The following ZNF546 variants were observed in gnomAD, a reference collection of about 807,000 sequenced individuals.
The protein encoded by ZNF546 is zinc finger protein 546.
In ZNF546, 60 loss-of-function variants were observed where a neutral mutation model predicts 76.2. That is an observed-to-expected ratio of 0.79 (90% CI 0.64 to 0.98). The LOEUF is 0.98. Among genes scored for constraint, ZNF546 ranks in the 50% least tolerant of loss-of-function variants. ZNF546 has a pLI of 0.00. For missense variants in ZNF546, 936 were observed against 1,035.6 expected (o/e 0.90, Z 1.32); for synonymous variants, 277 against 328.1 (o/e 0.84, Z 1.68).
At chr19:40,008,397 GA>G in intron 5 of ZNF546, 72 bp from the exon 6 acceptor site, 1 of 1,163,682 alleles carries the variant, frequency 8.6e-7, no homozygotes, top group Non-Finnish European at 1.2e-6. Flanking sequence ...AACCAAGTCT[GA>G]ATTGTCATTT....
intron 3 of ZNF546, chr19:39,999,834 C>G (rs535503456): frequency 6.6e-6 from 1 of 152,396 alleles, no homozygotes; most frequent in African/African-American, 2.4e-5. Context: ...ACCTCGGCCT[C>G]CCAAAGTGCT....
intron 1 of ZNF546, chr19:39,997,383 G>A: frequency 6.5e-6 from 1 of 153,294 alleles, no homozygotes; most frequent in East Asian, 1.9e-4. Flanking sequence ...GCGGGTGTGG[G>A]TGCGGGTGTG....
In ZNF546 at chr19:40,016,946, T is replaced by C. The variant is rs1311706623; in HGVS notation, c.*1165T>C. The C allele has an allele frequency of 6.6e-6, 1 of 152,214 alleles. No individual in the cohort carries two copies. The highest frequency in any genetic ancestry group is 1.5e-5 in the Non-Finnish European group (1 of 68,012). 9.4% of individuals were successfully genotyped at this position (152,214 alleles called of 1,614,324 possible). A position where few individuals can be genotyped will look rare whatever the true frequency, so the allele number is the denominator to read the frequency against. On this transcript the variant is annotated 3_prime_UTR_variant, in exon 7 of 7. Transcript: ENST00000347077. ...TATTTTTGTGAGGATGAAATGCTAA[T>C]AAAAGATAAAACCTTTAAAAGAGTA...
chr19:39,998,517 TCA>T lies in ZNF546; in HGVS notation c.84+108_84+109del, dbSNP rs1568382594. 3.1e-6 allele frequency: 3 copies of T among 966,506 alleles called. No individual in the cohort carries two copies. The African/African-American group carries it at 4.9e-5, about 16-fold the overall frequency. 59.9% of individuals were successfully genotyped at this position (966,506 alleles called of 1,614,324 possible). On this transcript the variant is annotated intron_variant, in intron 3 of 6. Transcript: ENST00000347077. ...TCTTCTCCAATCTTCTCCAAAGACCTCAGTTTTAAAATATGACAGGATTAGAG... is the reference window on the plus strand; with the variant it reads ...TCTTCTCCAATCTTCTCCAAAGACCTGTTTTAAAATATGACAGGATTAGAG...
At chr19:40,008,682 GGAAA>G in intron 6 of ZNF546, 117 bp downstream of exon 6, 1 of 647,788 alleles carries the variant, frequency 1.5e-6, no homozygotes, top group Non-Finnish European at 2.6e-6. Flanking sequence ...TGAGGCCTGT[GGAAA>G]AAGGACTGAT....
At position 40,012,599 on chromosome 19, in the gene ZNF546, G is replaced by A. The variant is rs1971686513; in HGVS notation, c.395-1066G>A. 2.0e-5 allele frequency among the ~76,000 whole-genome samples: 3 copies of A among 152,080 alleles called. No individual in the cohort carries two copies. The South Asian group carries it at 6.2e-4, about 31-fold the overall frequency. ...GGGGAACGAGAAACTCTATTCTAAA[G>A]GGAAAAGAATTAGGTACAGATTTTC... is the stretch of plus-strand genomic sequence containing the variant. On this transcript the variant is annotated intron_variant, in intron 6 of 6. Coordinates refer to ENST00000347077, the MANE Select transcript of ZNF546 (RefSeq NM_178544.5).
At chr19:40,013,024 G>A (rs1273704324) in intron 6 of ZNF546, among the ~76,000 whole-genome samples, 1 of 151,778 alleles carries the variant, frequency 6.6e-6, no homozygotes, top group African/African-American at 2.4e-5. Context: ...CATGTTAGCC[G>A]GGATGGTCTC....
Position 40,016,131 on chromosome 19 carries a change from A to G in ZNF546, c.*350A>G. On this transcript the variant is annotated 3_prime_UTR_variant, in exon 7 of 7. Transcript: ENST00000347077. ...ACAGGAGTTCGAAACCAGCCTGGGC[A>G]ACATAGTGAGACCCTGCCTCATGGC... 2 of 263,944 alleles carry G rather than the reference A, an allele frequency of 7.6e-6. No individual in the cohort carries two copies. Among genetic ancestry groups the G allele is most frequent in the African/African-American group, 2.3e-5 (1 of 44,162 alleles). The allele number at this position is 263,944 out of a possible 1,614,324, so 16.4% of individuals were successfully genotyped here. A position where few individuals can be genotyped will look rare whatever the true frequency, so the allele number is the denominator to read the frequency against.
At chr19:40,000,040 C>T (rs2144635420) in intron 3 of ZNF546, among the ~76,000 whole-genome samples, 1 of 152,286 alleles carries the variant, frequency 6.6e-6, no homozygotes, top group East Asian at 1.9e-4. Flanking sequence ...TTCTCCCTAA[C>T]CATAGCTTTC....
In ZNF546 at chr19:40,020,533, T is replaced by A. The variant is rs1162319169; in HGVS notation, c.*4752T>A. On this transcript the variant is annotated 3_prime_UTR_variant, in exon 7 of 7. Coordinates refer to ENST00000347077, the MANE Select transcript of ZNF546 (RefSeq NM_178544.5). Reference sequence around the variant, plus strand: ...CATCTCTGGGAACAGTAGTACTTAATGGCAACTTGAGAATTGGTTTGTGGG... The same window carrying A: ...CATCTCTGGGAACAGTAGTACTTAAAGGCAACTTGAGAATTGGTTTGTGGG... The A allele has an allele frequency of 1.3e-5, 2 of 152,220 alleles. No homozygotes were observed. The highest frequency in any genetic ancestry group is 1.3e-4 in the Admixed American group (2 of 15,284). 9.4% of individuals were successfully genotyped at this position (152,220 alleles called of 1,614,324 possible). A position where few individuals can be genotyped will look rare whatever the true frequency, so the allele number is the denominator to read the frequency against.
At chr19:39,999,329 A>T (rs570136785) in intron 3 of ZNF546, among the ~76,000 whole-genome samples, 2 of 152,330 alleles carry the variant, frequency 1.3e-5, no homozygotes, top group African/African-American at 2.4e-5. Context: ...ACTGGCAGGC[A>T]TTTATTTATA....
At chr19:40,004,854 A>G (rs1971583416) in intron 3 of ZNF546, among the ~76,000 whole-genome samples, 1 of 152,086 alleles carries the variant, frequency 6.6e-6, no homozygotes, top group Non-Finnish European at 1.5e-5. Context: ...ATAGTATTTA[A>G]TATCTACTTA....
rs1186230239 is a variant in ZNF546 at position 40,017,966 on chromosome 19, CTTTTTTTTTTTT to C, written c.*2203_*2214del. 2.4e-4 allele frequency: 15 copies of C among 63,084 alleles called. No individual in the cohort carries two copies. The East Asian group carries it at 2.5e-3, about 10-fold the overall frequency. The allele number at this position is 63,084 out of a possible 1,614,324, so 3.9% of individuals were successfully genotyped here. On this transcript the variant is annotated 3_prime_UTR_variant, in exon 7 of 7. Coordinates refer to ENST00000347077, the MANE Select transcript of ZNF546 (RefSeq NM_178544.5). ...CCCCACAACTTTATTGCAACATTGA[CTTTTTTTTTTTT>C]TTTTTTTTTTTTTTTTTGAGATGGA... is the stretch of plus-strand genomic sequence containing the variant.
intron 6 of ZNF546, among the ~76,000 whole-genome samples, chr19:40,010,246 T>C (rs1054642225): frequency 7.2e-5 from 11 of 151,872 alleles, no homozygotes; most frequent in Non-Finnish European, 1.3e-4. Flanking sequence ...TTACTAAAAA[T>C]ACAAAAATTA....
At chr19:40,009,006 G>A (rs949996401) in intron 6 of ZNF546, among the ~76,000 whole-genome samples, 1 of 152,146 alleles carries the variant, frequency 6.6e-6, no homozygotes, top group African/African-American at 2.4e-5. Context: ...TGATATTATA[G>A]TAAGGGAAAC....
intron 4 of ZNF546, among the ~76,000 whole-genome samples, chr19:40,006,914 A>T (rs747344831): frequency 6.6e-6 from 1 of 152,238 alleles, no homozygotes; most frequent in Non-Finnish European, 1.5e-5. Context: ...ACGTAATGTC[A>T]GTCAAATCCT....
intron 1 of ZNF546, among the ~76,000 whole-genome samples, chr19:39,997,520 TC>T (rs1971469787): frequency 6.6e-6 from 1 of 152,134 alleles, no homozygotes; most frequent in Non-Finnish European, 1.5e-5. Context: ...GGATGAAGGT[TC>T]CCAGCAAGAA....
At chr19:40,007,638 T>C (rs1259817475) in intron 5 of ZNF546, among the ~76,000 whole-genome samples, 1 of 152,184 alleles carries the variant, frequency 6.6e-6, no homozygotes, top group Non-Finnish European at 1.5e-5. Context: ...TTCTAAATAA[T>C]TTCCAGGTTT....
At chr19:40,007,151 T>G (rs1230536359) in intron 4 of ZNF546, 123 bp from the exon 5 acceptor site, 10 of 585,616 alleles carry the variant, frequency 1.7e-5, no homozygotes, top group Non-Finnish European at 2.2e-5. Context: ...TTTATTCTTT[T>G]ACACACATTG....
Sources: allele counts gnomAD v4.1 joint callset (sites outside exome capture counted in the v4.1 genomes callset), GRCh38; gene constraint gnomAD v4.1.1; transcripts MANE v1.5; gene names NCBI Gene and HGNC (gene_info 2026-07-23, HGNC 2026-07-21).